ARHGAP15: variants seen among roughly 807,000 people sequenced by gnomAD.
ARHGAP15 encodes rho GTPase-activating protein 15.
In ARHGAP15, 51 loss-of-function variants were observed where a neutral mutation model predicts 63.7. That is an observed-to-expected ratio of 0.80 (90% confidence interval 0.64 to 1.01). ARHGAP15 has a LOEUF of 1.01. Ranked by LOEUF, ARHGAP15 falls within the 50% of genes least tolerant of loss-of-function variation. ARHGAP15 has a pLI of 0.00. For synonymous variants in ARHGAP15, 191 were observed against 193.8 expected (o/e 0.99, Z 0.12); for missense variants, 560 against 564.6 (o/e 0.99, Z 0.08).
At chr2:143,387,822 T>TACACACACACGCATGCAAGC (rs558966382) in intron 6 of ARHGAP15, among the ~76,000 whole-genome samples, 2 of 150,910 alleles carry the variant, frequency 1.3e-5, no homozygotes, top group African/African-American at 2.4e-5. Context: ...AGAATACACA[T>TACACACACACGCATGCAAGC]ACACACACAC....
intron 6 of ARHGAP15, among the ~76,000 whole-genome samples, chr2:143,339,404 A>G (rs1342402236): frequency 6.6e-6 from 1 of 152,164 alleles, no homozygotes; most frequent in Non-Finnish European, 1.5e-5. Flanking sequence ...ATAGTCAGAT[A>G]CAGGATACAG....
chr2:143,261,218 C>A (rs193124769), intron 6 of ARHGAP15, among the ~76,000 whole-genome samples: 1 of 151,626 alleles, frequency 6.6e-6, no homozygotes, highest in East Asian at 1.9e-4. Flanking sequence ...ACCTTAAATC[C>A]TTTACTATGT....
intron 6 of ARHGAP15, among the ~76,000 whole-genome samples, chr2:143,352,826 T>C (rs1227518235): frequency 1.3e-5 from 2 of 152,230 alleles, no homozygotes; most frequent in Non-Finnish European, 2.9e-5. Context: ...CCTTAACAAA[T>C]TCTAATTTCT....
chr2:143,751,286 G>A (rs568586814), intron 13 of ARHGAP15, among the ~76,000 whole-genome samples: 1 of 152,320 alleles, frequency 6.6e-6, no homozygotes, highest in South Asian at 2.1e-4. Context: ...GCCGTGGGCT[G>A]TCTCCAAGAG....
At chr2:143,477,457 G>A (rs1691875425) in intron 8 of ARHGAP15, among the ~76,000 whole-genome samples, 1 of 151,816 alleles carries the variant, frequency 6.6e-6, no homozygotes, top group Non-Finnish European at 1.5e-5. Flanking sequence ...ATTAATAATT[G>A]CTTCTGTTAA....
chr2:143,437,213 A>G, intron 8 of ARHGAP15, 171 bp downstream of exon 8: 1 of 654,892 alleles, frequency 1.5e-6, no homozygotes, highest in Non-Finnish European at 2.5e-6. Context: ...CACTTTGCTC[A>G]CATCATTGTT....
intron 12 of ARHGAP15, among the ~76,000 whole-genome samples, chr2:143,700,821 A>T (rs1309314370): frequency 6.6e-6 from 1 of 151,388 alleles, no homozygotes; most frequent in African/African-American, 2.4e-5. Context: ...TGCCAATTTC[A>T]CTCTCATCTT....
intron 8 of ARHGAP15, among the ~76,000 whole-genome samples, chr2:143,469,168 C>T (rs1213111392): frequency 6.6e-6 from 1 of 152,066 alleles, no homozygotes; most frequent in African/African-American, 2.4e-5. Flanking sequence ...ATACCCAGGA[C>T]CCCTGAGAAC....
intron 6 of ARHGAP15, among the ~76,000 whole-genome samples, chr2:143,329,884 T>A (rs1684430178): frequency 1.3e-5 from 2 of 149,324 alleles, no homozygotes; most frequent in African/African-American, 4.9e-5. Context: ...AGAGAACATA[T>A]TTTTAAGAAA....
At chr2:143,726,122 G>T (rs1685264402) in intron 13 of ARHGAP15, among the ~76,000 whole-genome samples, 1 of 152,134 alleles carries the variant, frequency 6.6e-6, no homozygotes. Flanking sequence ...ATTTCGCATT[G>T]TGGTCAAGTG....
intron 6 of ARHGAP15, among the ~76,000 whole-genome samples, chr2:143,342,043 A>G (rs1469811805): frequency 6.6e-6 from 1 of 152,150 alleles, no homozygotes; most frequent in Non-Finnish European, 1.5e-5. Flanking sequence ...CCATGCATTA[A>G]TGGTAGAATT....
chr2:143,672,697 C>T (rs1282177374), intron 12 of ARHGAP15, among the ~76,000 whole-genome samples: 1 of 152,162 alleles, frequency 6.6e-6, no homozygotes, highest in Non-Finnish European at 1.5e-5. Context: ...CCTTGTCACA[C>T]TCTAGTTTGA....
At chr2:143,405,639 C>T (rs1163498098) in intron 6 of ARHGAP15, among the ~76,000 whole-genome samples, 4 of 151,796 alleles carry the variant, frequency 2.6e-5, no homozygotes, top group African/African-American at 4.8e-5. Flanking sequence ...ATGTTTTTAA[C>T]TGTTTTGATT....
chr2:143,276,784 G>A (rs753170602), intron 6 of ARHGAP15, among the ~76,000 whole-genome samples: 1 of 152,132 alleles, frequency 6.6e-6, no homozygotes, highest in Non-Finnish European at 1.5e-5. Flanking sequence ...TGGTGACAGA[G>A]TAAGATTTTG....
chr2:143,557,710 T>G (rs932965307), intron 11 of ARHGAP15, among the ~76,000 whole-genome samples: 7 of 152,096 alleles, frequency 4.6e-5, no homozygotes, highest in African/African-American at 7.2e-5. Flanking sequence ...GGGAAAATTT[T>G]GGGAAGAGTG....
intron 8 of ARHGAP15, among the ~76,000 whole-genome samples, chr2:143,460,397 T>C (rs1342927910): frequency 6.6e-6 from 1 of 152,222 alleles, no homozygotes; most frequent in Non-Finnish European, 1.5e-5. Flanking sequence ...ATTCATTTCA[T>C]TTTATCCTCT....
intron 12 of ARHGAP15, among the ~76,000 whole-genome samples, chr2:143,654,500 G>T (rs1036936947): frequency 2.6e-5 from 4 of 152,132 alleles, no homozygotes; most frequent in Admixed American, 6.5e-5. Flanking sequence ...AAGTGAAAAA[G>T]CCCTTTAAAT....
At chr2:143,417,016 T>C (rs1401076418) in intron 6 of ARHGAP15, among the ~76,000 whole-genome samples, 1 of 152,164 alleles carries the variant, frequency 6.6e-6, no homozygotes, top group African/African-American at 2.4e-5. Context: ...GCGAAGTCTC[T>C]GTGGTTGAGG....
chr2:143,175,293 C>A (rs1690970921), intron 2 of ARHGAP15, among the ~76,000 whole-genome samples: 3 of 152,086 alleles, frequency 2.0e-5, no homozygotes, highest in African/African-American at 4.8e-5. Flanking sequence ...AAATATTAAC[C>A]AAAGACTAAT....
Sources: allele counts gnomAD v4.1 joint callset (sites outside exome capture counted in the v4.1 genomes callset), GRCh38; gene constraint gnomAD v4.1.1; transcripts MANE v1.5; gene names NCBI Gene and HGNC (gene_info 2026-07-23, HGNC 2026-07-21).